Variants in AGMO observed in about 807,000 individuals in gnomAD.
AGMO encodes the protein glyceryl-ether monooxygenase.
In AGMO, 75 loss-of-function variants were observed where a neutral mutation model predicts 60.2. That is an observed-to-expected ratio of 1.25 (90% CI 1.03 to 1.51). AGMO has a LOEUF of 1.51. AGMO is among the 40% of genes most tolerant of loss of function. The pLI is 0.00. For synonymous variants in AGMO, 261 were observed against 177.1 expected, an observed-to-expected ratio of 1.47 and a Z score of -3.76; for missense variants, 763 against 525.5, an observed-to-expected ratio of 1.45 and a Z score of -4.42.
chr7:15,249,705 A>AG (rs1318337128), intron 12 of AGMO, among the ~76,000 whole-genome samples: 1 of 152,094 alleles, frequency 6.6e-6, no homozygotes, highest in Non-Finnish European at 1.5e-5. Context: ...GGGAAATAAA[A>AG]GGGGTGGTGG....
the AGMO span, among the ~76,000 whole-genome samples, chr7:15,162,774 G>C: frequency 6.6e-6 from 1 of 152,104 alleles, no homozygotes; most frequent in African/African-American, 2.4e-5. Flanking sequence ...CAACATAGAA[G>C]AGCCTGAAGT....
intron 12 of AGMO, among the ~76,000 whole-genome samples, chr7:15,237,216 A>G (rs1321947047): frequency 6.6e-6 from 1 of 152,150 alleles, no homozygotes; most frequent in East Asian, 1.9e-4. Flanking sequence ...GCTGAGATCC[A>G]GTAAGTGTGC....
intron 12 of AGMO, among the ~76,000 whole-genome samples, chr7:15,324,690 G>C (rs1563088137): frequency 6.6e-6 from 1 of 152,108 alleles, no homozygotes; most frequent in Non-Finnish European, 1.5e-5. Context: ...TCGGGGAGAA[G>C]ATACGGTTTC....
intron 3 of AGMO, among the ~76,000 whole-genome samples, chr7:15,472,901 G>A (rs1782486861): frequency 6.6e-6 from 1 of 151,864 alleles, no homozygotes; most frequent in South Asian, 2.1e-4. Context: ...ACAAAAGCAA[G>A]TAGGAAACAA....
Position 15,254,640 on chromosome 7 carries a change from A to C in AGMO, c.1264-53281T>G, listed in dbSNP as rs76820372. Among the ~76,000 whole-genome samples the C allele has an allele frequency of 3.1e-3, 470 of 152,272 alleles. 2 individuals are homozygous for C. Among genetic ancestry groups the C allele is most frequent in the African/African-American group, 0.011 (447 of 41,560 alleles). ...ATCTGGATGTTATCCCCTTTAAAGA[A>C]ATAATAAAAATCAGAGCAAAAATAA... On this transcript the variant is annotated intron_variant, in intron 12 of 12. Coordinates refer to ENST00000342526, the MANE Select transcript of AGMO (RefSeq NM_001004320.2).
rs1562501674 is a variant in AGMO at position 15,428,002 on chromosome 7, A to ATGTGAAATGAGCTTAATTTCACATTTCAG, written c.513+3002_513+3003insCTGAAATGTGAAATTAAGCTCATTTCACA. On this transcript the variant is annotated intron_variant, in intron 4 of 12. Transcript: ENST00000342526. Reference sequence around the variant, plus strand: ...GAAATATACTTAATTTCACATTTCAATGTGAAATGAGCTTAATTTCACATT... The same window carrying ATGTGAAATGAGCTTAATTTCACATTTCAG: ...GAAATATACTTAATTTCACATTTCAATGTGAAATGAGCTTAATTTCACATTTCAGTGTGAAATGAGCTTAATTTCACATT... Among the ~76,000 whole-genome samples the ATGTGAAATGAGCTTAATTTCACATTTCAG allele has an allele frequency of 2.6e-5, 4 of 152,218 alleles. No homozygotes were observed. The East Asian group carries it at 5.8e-4, about 22-fold the overall frequency.
chr7:15,462,200 T>A (rs527783180), intron 3 of AGMO, among the ~76,000 whole-genome samples: 1 of 152,166 alleles, frequency 6.6e-6, no homozygotes, highest in South Asian at 2.1e-4. Context: ...ACTGCAGTTA[T>A]TCCCCGGTAC....
intron 12 of AGMO, among the ~76,000 whole-genome samples, chr7:15,293,790 G>A (rs1784339155): frequency 1.3e-5 from 2 of 152,142 alleles, no homozygotes; most frequent in Admixed American, 6.6e-5. Context: ...CAAGTGCCTT[G>A]CTTAAAATAA....
chr7:15,454,244 G>T (rs1381879045), intron 3 of AGMO, among the ~76,000 whole-genome samples: 1 of 152,008 alleles, frequency 6.6e-6, no homozygotes, highest in African/African-American at 2.4e-5. Flanking sequence ...ATACAAGTGT[G>T]GGGACTATAG....
chr7:15,513,675 A>G (rs899416874), intron 3 of AGMO, among the ~76,000 whole-genome samples: 2 of 152,136 alleles, frequency 1.3e-5, no homozygotes, highest in South Asian at 4.1e-4. Context: ...TATTGTTTTC[A>G]AGATTGGGCT....
intron 12 of AGMO, among the ~76,000 whole-genome samples, chr7:15,284,862 T>A (rs938345348): frequency 6.6e-6 from 1 of 151,262 alleles, no homozygotes; most frequent in Non-Finnish European, 1.5e-5. Flanking sequence ...CAACAACACA[T>A]CAAAAAGATA....
chr7:15,425,061 A>G (rs1301666675), intron 4 of AGMO, among the ~76,000 whole-genome samples: 1 of 152,190 alleles, frequency 6.6e-6, no homozygotes, highest in African/African-American at 2.4e-5. Context: ...TAAGAATCAT[A>G]CTTGATATGT....
At chr7:15,486,406 G>A (rs1471530975) in intron 3 of AGMO, among the ~76,000 whole-genome samples, 1 of 152,152 alleles carries the variant, frequency 6.6e-6, no homozygotes, top group African/African-American at 2.4e-5. Flanking sequence ...TTGAGAAAGT[G>A]ACAATATCTG....
chr7:15,339,794 AAGTT>A (rs1285405643), intron 12 of AGMO, among the ~76,000 whole-genome samples: 4 of 152,330 alleles, frequency 2.6e-5, no homozygotes, highest in Middle Eastern at 6.8e-3. Context: ...TAATCCAATG[AAGTT>A]AGTTAATGAA....
At position 15,560,226 on chromosome 7, in the gene AGMO, TGAC is replaced by T; in HGVS notation, c.169_171del (p.Val57del). The stretch of plus-strand genomic sequence containing the variant: ...GGTGGCTTTCCTTTGAGAATCCAGC[TGAC>T]AACAAGTTCAAGCAGCATCAAAGAA... On this transcript the variant is annotated inframe_deletion, in exon 2 of 13. Transcript: ENST00000342526. 2 of 1,613,054 alleles carry T rather than the reference TGAC, an allele frequency of 1.2e-6. No homozygotes were observed. The highest frequency in any genetic ancestry group is 8.5e-7 in the Non-Finnish European group (1 of 1,179,300).
rs540624629 is a variant in AGMO, at chr7:15,368,599, A to C, written c.1075-2377T>G. Among the ~76,000 whole-genome samples the C allele has an allele frequency of 2.0e-5, 3 of 152,292 alleles. No individual in the cohort carries two copies. The East Asian group carries it at 5.8e-4, about 29-fold the overall frequency. On this transcript the variant is annotated intron_variant, in intron 10 of 12. Transcript: ENST00000342526. ...GTTTGGCAAGGACTGTAATCTTATTAAATACTTAAAAGAGTGTTTGGCACA... is the reference window on the plus strand; with the variant it reads ...GTTTGGCAAGGACTGTAATCTTATTCAATACTTAAAAGAGTGTTTGGCACA...
rs76629561 is a variant in AGMO, at chr7:15,379,492, C to G, written c.1074+5954G>C. Among the ~76,000 whole-genome samples the G allele has an allele frequency of 9.3e-3, 1,419 of 152,120 alleles. 18 individuals are homozygous for G. Among genetic ancestry groups the G allele is most frequent in the African/African-American group, 0.032 (1,326 of 41,526 alleles). On this transcript the variant is annotated intron_variant, in intron 10 of 12. Transcript: ENST00000342526. ...AAAATATTATGAACACTTACATGCA[C>G]ATACACTAGAAAATCTAGACGAATT...
At chr7:15,517,040 G>A (rs545887458) in intron 3 of AGMO, among the ~76,000 whole-genome samples, 85 of 151,742 alleles carry the variant, frequency 5.6e-4, no homozygotes, top group Middle Eastern at 3.4e-3. Flanking sequence ...GAACACCACT[G>A]AGAAAGATCA....
the AGMO span, among the ~76,000 whole-genome samples, chr7:15,169,710 T>C: frequency 1.3e-5 from 2 of 152,198 alleles, no homozygotes; most frequent in Admixed American, 6.5e-5. Context: ...GTGCTGGGGT[T>C]ACAGGCGTGA....
Sources: allele counts gnomAD v4.1 joint callset (sites outside exome capture counted in the v4.1 genomes callset), GRCh38; gene constraint gnomAD v4.1.1; transcripts MANE v1.5; gene names NCBI Gene and HGNC (gene_info 2026-07-23, HGNC 2026-07-21).